Variants in SYT3 observed in about 807,000 individuals in gnomAD.
The protein encoded by SYT3 is synaptotagmin 3.
Under a neutral mutation model 50.6 loss-of-function variants are expected in SYT3, and 25 were observed. That is an observed-to-expected ratio of 0.49 (90% confidence interval 0.36 to 0.69). The LOEUF (loss-of-function observed/expected upper bound fraction) is 0.69. SYT3 is among the 30% of genes least tolerant of loss of function. SYT3 has a pLI of 0.00. For synonymous variants in SYT3, 323 were observed against 353.9 expected, an observed-to-expected ratio of 0.91 and a Z score of 0.98; for missense variants, 589 against 793.6, an observed-to-expected ratio of 0.74 and a Z score of 3.10.
chr19:50,650,354 G>A, the SYT3 span, among the ~76,000 whole-genome samples: 1 of 152,220 alleles, frequency 6.6e-6, no homozygotes, highest in South Asian at 2.1e-4. Flanking sequence ...CAGTGAGGAT[G>A]CATGTAACTG....
At chr19:50,622,571 G>T in intron 10 of SYT3, 90 bp from the exon 11 acceptor site, 1 of 777,492 alleles carries the variant, frequency 1.3e-6, no homozygotes, top group Non-Finnish European at 2.3e-6. Context: ...AGAGATCCAG[G>T]AGTCCCAGGC....
Position 50,637,249 on chromosome 19 carries a change from G to A in SYT3, c.148+15C>T, listed in dbSNP as rs17849195. On this transcript the variant is annotated intron_variant, in intron 3 of 10. Transcript: ENST00000600079. This position sits in a 1 kb window ranked among gnomAD's most constrained non-coding sequence, Gnocchi z 4.9. ...TGCAAGCAGGGGGCTGGCCAAGACA[G>A]GCAGGGGTGCTGACCTGCATCTGGA... 0.089 allele frequency: 143,568 copies of A among 1,609,582 alleles called. 8,323 individuals are homozygous for A. Among genetic ancestry groups the A allele is most frequent in the Admixed American group, 0.24 (14,344 of 59,972 alleles).
chr19:50,652,166 A>G, the SYT3 span, among the ~76,000 whole-genome samples: 1 of 152,186 alleles, frequency 6.6e-6, no homozygotes, highest in Non-Finnish European at 1.5e-5. Context: ...ATTTTTGAAT[A>G]TCATCTCATA....
At chr19:50,644,725 A>G (rs537245089), upstream of SYT3, among the ~76,000 whole-genome samples, 14 of 151,854 alleles carry the variant, frequency 9.2e-5, no homozygotes, top group Non-Finnish European at 1.9e-4. Context: ...TGCTGCAGAA[A>G]TAAATAAAGG....
rs754832010 is a variant in SYT3, at chr19:50,637,321, C to T, written c.91G>A (p.Asp31Asn). ...CARVRDADTN[D>N]RCQEFNDRIR... The stretch of plus-strand genomic sequence containing the variant: ...CGGTCATTGAACTCCTGGCACCTGT[C>T]GTTGGTGTCAGCATCTCGGACCCGC... The change falls in exon 3 of 11, where the codon GAC becomes AAC. Residue 31 changes from aspartate (D) to asparagine (N), a missense_variant. Asp to Asn is a conservative substitution (Grantham distance 23, BLOSUM62 1). This residue lies in a region of SYT3 where 316 missense variants were observed against 354.3 expected (regional missense o/e 0.89). Transcript: ENST00000600079. This position sits in a 1 kb window ranked among gnomAD's most constrained non-coding sequence, Gnocchi z 4.9. 18 of 1,613,266 alleles carry T rather than the reference C, an allele frequency of 1.1e-5. No homozygotes were observed. Among genetic ancestry groups the T allele is most frequent in the African/African-American group, 8.0e-5 (6 of 74,840 alleles).
rs746596401 is a variant in SYT3 at position 50,639,634 on chromosome 19, TC to T, written c.-154+155del. On this transcript the variant is annotated intron_variant, in intron 1 of 10. Coordinates refer to ENST00000600079, the MANE Select transcript of SYT3 (RefSeq NM_001160329.2). The surrounding 1 kb of genome is among the most constrained non-coding windows in gnomAD (Gnocchi z 4.6). ...ACCCCCTTCCAGGGCCACGTGCCCCTCCCCCGGGGTGGCCAGAGAGCGCTGC... is the reference window on the plus strand; with the variant it reads ...ACCCCCTTCCAGGGCCACGTGCCCCTCCCCGGGGTGGCCAGAGAGCGCTGC... 6.6e-6 allele frequency among the ~76,000 whole-genome samples: 1 copy of T among 151,030 alleles called. No homozygotes were observed. Among genetic ancestry groups the T allele is most frequent in the Non-Finnish European group, 1.5e-5 (1 of 67,764 alleles).
the SYT3 span, among the ~76,000 whole-genome samples, chr19:50,651,596 G>C: frequency 2.0e-5 from 3 of 152,158 alleles, no homozygotes; most frequent in South Asian, 4.2e-4. Context: ...CCAGCTACTT[G>C]GGAGGCTGAG....
At chr19:50,645,878 C>T in the SYT3 span, among the ~76,000 whole-genome samples, 4 of 151,800 alleles carry the variant, frequency 2.6e-5, no homozygotes, top group African/African-American at 9.7e-5. Context: ...AAAAAAACCC[C>T]CCACGAAACC....
intron 6 of SYT3, among the ~76,000 whole-genome samples, chr19:50,627,398 C>T (rs1465369115): frequency 1.3e-5 from 2 of 152,072 alleles, no homozygotes; most frequent in African/African-American, 2.4e-5. Context: ...GGTCCCCAGG[C>T]CCTGCTCCTG....
At chr19:50,627,633 A>C (rs1984122907) in intron 6 of SYT3, among the ~76,000 whole-genome samples, 1 of 151,964 alleles carries the variant, frequency 6.6e-6, no homozygotes, top group Non-Finnish European at 1.5e-5. Context: ...AAGCATGAGA[A>C]TCACAATCAC....
upstream of SYT3, among the ~76,000 whole-genome samples, chr19:50,641,336 T>C (rs962103164): frequency 6.0e-5 from 9 of 150,846 alleles, no homozygotes; most frequent in Non-Finnish European, 1.0e-4. Context: ...CCTGCCACCG[T>C]GCCCGGCTAA....
In SYT3 at chr19:50,625,488, C is replaced by T. The variant is rs776773383; in HGVS notation, c.1479G>A (p.Thr493=). 32 of 1,608,752 alleles carry T rather than the reference C, an allele frequency of 2.0e-5. No individual in the cohort carries two copies. The highest frequency in any genetic ancestry group is 2.5e-5 in the Non-Finnish European group (30 of 1,178,108). Residue 493 remains threonine, a synonymous_variant, in exon 8 of 11, where the codon ACG becomes ACA. Transcript: ENST00000600079. The surrounding 1 kb of genome is among the most constrained non-coding windows in gnomAD (Gnocchi z 7.5). ...GCGCCTCATTATAGGTGGGGTTCAG[C>T]GTGTTCTTCTTGATGGAGGTTTTCC... is the stretch of plus-strand genomic sequence containing the variant. ...KKRKTSIKKN[T]LNPTYNEALV... is the part of the protein sequence containing the mutation.
the SYT3 span, among the ~76,000 whole-genome samples, chr19:50,653,064 G>A: frequency 4.6e-5 from 7 of 152,172 alleles, no homozygotes; most frequent in South Asian, 2.1e-4. Flanking sequence ...TGGCACTAGA[G>A]TCTTGCTTTG....
chr19:50,647,535 C>T, the SYT3 span, among the ~76,000 whole-genome samples: 4 of 151,978 alleles, frequency 2.6e-5, no homozygotes, highest in Non-Finnish European at 5.9e-5. Flanking sequence ...AAATAAATAG[C>T]TGGGCGTAGT....
chr19:50,629,979 T>A lies in SYT3; in HGVS notation c.867A>T (p.Pro289=). 6.2e-7 allele frequency: 1 copy of A among 1,613,802 alleles called. No homozygotes were observed. Among genetic ancestry groups the A allele is most frequent in the Non-Finnish European group, 8.5e-7 (1 of 1,179,830 alleles). ...GPGGRRSGGG[P]GSGEAGTGAP... Reference sequence around the variant, plus strand: ...CCCCTGTGCCTGCCTCTCCAGAGCCTGGGCCCCCACCGCTCCGCCGGCCAC... The same window carrying A: ...CCCCTGTGCCTGCCTCTCCAGAGCCAGGGCCCCCACCGCTCCGCCGGCCAC... Residue 289 remains proline (P), a synonymous_variant, in exon 5 of 11, where the codon CCA becomes CCT. Coordinates refer to ENST00000600079, the MANE Select transcript of SYT3 (RefSeq NM_001160329.2).
At chr19:50,627,720 C>G (rs1984126747) in intron 6 of SYT3, among the ~76,000 whole-genome samples, 1 of 92,674 alleles carries the variant, frequency 1.1e-5, no homozygotes, top group Non-Finnish European at 2.1e-5. Flanking sequence ...GAGAGAGACT[C>G]TGTCTCAAAA....
At chr19:50,644,655 A>G (rs1599824761), upstream of SYT3, among the ~76,000 whole-genome samples, 2 of 151,966 alleles carry the variant, frequency 1.3e-5, no homozygotes, top group South Asian at 4.2e-4. Context: ...GGATGGGTGG[A>G]TGGATGTTGG....
chr19:50,639,015 C>G lies in SYT3; in HGVS notation c.-16+10G>C, dbSNP rs1984582384. 1 of 152,920 alleles carries G rather than the reference C, an allele frequency of 6.5e-6. No homozygotes were observed. Among genetic ancestry groups the G allele is most frequent in the African/African-American group, 2.4e-5 (1 of 41,456 alleles). 9.5% of individuals were successfully genotyped at this position (152,920 alleles called of 1,614,324 possible). ...GGCCAGGACTCCAAGACAGGCATGG[C>G]CACACTCACCTGCGCTTATCTCTGC... On this transcript the variant is annotated intron_variant, in intron 2 of 10. Transcript: ENST00000600079. The surrounding 1 kb of genome is among the most constrained non-coding windows in gnomAD (Gnocchi z 4.6).
At chr19:50,630,241 G>A in intron 4 of SYT3, 70 bp from the exon 5 acceptor site, 1 of 1,414,962 alleles carries the variant, frequency 7.1e-7, no homozygotes, top group Non-Finnish European at 9.3e-7. Flanking sequence ...CAGAGACCTG[G>A]GAGACTCCTC....
Sources: gnomAD v4.1 joint callset for allele counts (sites outside exome capture counted in the v4.1 genomes callset) on GRCh38, gnomAD v4.1.1 for gene constraint, gnomAD v4.1.1 regional missense constraint, Gnocchi (gnomAD v3.1) non-coding constraint, MANE v1.5 for transcripts, NCBI Gene and HGNC (gene_info 2026-07-23, HGNC 2026-07-21) for gene names.